Variants in CDH11 observed in about 807,000 individuals in gnomAD.
CDH11 encodes the protein cadherin-11.
A neutral mutation model predicts 67.8 loss-of-function variants in CDH11; 11 were observed. That is an observed-to-expected ratio of 0.16 (90% CI 0.10 to 0.27). The LOEUF is 0.27. Ranked by LOEUF, CDH11 falls within the 10% of genes least tolerant of loss-of-function variation. The pLI, the probability that CDH11 is intolerant of heterozygous loss-of-function variation, is 1.00. For missense variants in CDH11, 847 were observed against 1,031.2 expected (o/e 0.82, Z 2.45); for synonymous variants, 419 against 400.0 (o/e 1.05, Z -0.57).
At chr16:65,077,265 GA>G (rs1002259510) in intron 1 of CDH11, among the ~76,000 whole-genome samples, 1 of 151,844 alleles carries the variant, frequency 6.6e-6, no homozygotes, top group Admixed American at 6.6e-5. Flanking sequence ...CTTATTGGAG[GA>G]AAAAAAAGTG....
chr16:64,972,995 A>C lies in CDH11; in HGVS notation c.1299T>G (p.Ile433Met), dbSNP rs145955206. 6.4e-5 allele frequency: 104 copies of C among 1,613,656 alleles called. No homozygotes were observed. In the African/African-American group the frequency reaches 9.1e-4, roughly 14 times the overall value. The stretch of plus-strand genomic sequence containing the variant: ...TTTTAATAAAACCATCCTCTGGATT[A>C]ATAGTGAAAAATCTGTCGAGGTCAG... ...RHTDLDRFFT[I>M]NPEDGFIKTT... is the part of the protein sequence containing the mutation. Residue 433 changes from isoleucine (I) to methionine (M), a missense_variant, in exon 9 of 13, where the codon ATT becomes ATG. By Grantham distance (10) the Ile-to-Met change is conservative (BLOSUM62 1). Coordinates refer to ENST00000268603, the MANE Select transcript of CDH11 (RefSeq NM_001797.4).
Position 65,076,262 on chromosome 16 carries a change from T to G in CDH11, c.-297-22334A>C, listed in dbSNP as rs1007694402. Among the ~76,000 whole-genome samples, 3 of 152,236 alleles carry G rather than the reference T, an allele frequency of 2.0e-5. No individual in the cohort carries two copies. The South Asian group carries it at 6.2e-4, about 32-fold the overall frequency. ...TATCTCCCACAAACTCCTCTTCCAATTCCTGCATCTAAGCTTGAAAGGCAT... is the reference window on the plus strand; with the variant it reads ...TATCTCCCACAAACTCCTCTTCCAAGTCCTGCATCTAAGCTTGAAAGGCAT... On this transcript the variant is annotated intron_variant, in intron 1 of 12. Coordinates refer to ENST00000268603, the MANE Select transcript of CDH11 (RefSeq NM_001797.4).
intron 1 of CDH11, among the ~76,000 whole-genome samples, chr16:65,064,361 G>A (rs954465291): frequency 2.6e-5 from 4 of 152,382 alleles, no homozygotes; most frequent in East Asian, 3.9e-4. Context: ...GGCGAGCACA[G>A]AGGTGATAAT....
chr16:65,074,187 A>G (rs547431026), intron 1 of CDH11, among the ~76,000 whole-genome samples: 1 of 152,310 alleles, frequency 6.6e-6, no homozygotes, highest in East Asian at 1.9e-4. Flanking sequence ...CTACAGAAGC[A>G]GGGATAGGAA....
intron 1 of CDH11, among the ~76,000 whole-genome samples, chr16:65,070,413 C>T (rs555259327): frequency 8.5e-5 from 13 of 152,294 alleles, no homozygotes; most frequent in African/African-American, 3.1e-4. Flanking sequence ...AATCCTGCCT[C>T]TACCCTGTAA....
intron 11 of CDH11, among the ~76,000 whole-genome samples, chr16:64,968,029 G>A (rs2142415968): frequency 6.6e-6 from 1 of 152,212 alleles, no homozygotes; most frequent in Non-Finnish European, 1.5e-5. Context: ...ATTGACAATA[G>A]GATAAACAAA....
chr16:65,064,266 G>A (rs2074278437), intron 1 of CDH11, among the ~76,000 whole-genome samples: 1 of 152,226 alleles, frequency 6.6e-6, no homozygotes, highest in Non-Finnish European at 1.5e-5. Flanking sequence ...ATTCCTGTTT[G>A]GGCCTCCATG....
intron 1 of CDH11, among the ~76,000 whole-genome samples, chr16:65,090,087 G>C (rs998439544): frequency 3.3e-5 from 5 of 152,080 alleles, no homozygotes; most frequent in Non-Finnish European, 5.9e-5. Flanking sequence ...GAGAAAAATG[G>C]AAAAGATTGT....
At chr16:65,035,793 A>G (rs1249867271) in intron 2 of CDH11, among the ~76,000 whole-genome samples, 1 of 152,190 alleles carries the variant, frequency 6.6e-6, no homozygotes, top group Non-Finnish European at 1.5e-5. Context: ...GCATTAAGTC[A>G]TACCTAGTCT....
chr16:65,101,115 G>A (rs907861176), intron 1 of CDH11, among the ~76,000 whole-genome samples: 1 of 152,160 alleles, frequency 6.6e-6, no homozygotes, highest in Non-Finnish European at 1.5e-5. Flanking sequence ...CCATTACTCA[G>A]AGGAACTATG....
chr16:65,118,727 T>A (rs1267145250), intron 1 of CDH11: 2 of 152,184 alleles, frequency 1.3e-5, no homozygotes, highest in Non-Finnish European at 2.9e-5. Context: ...TCTTCAAATT[T>A]GACAATTCAA....
Position 64,998,572 on chromosome 16 carries a change from C to T in CDH11, c.513G>A (p.Arg171=), listed in dbSNP as rs1393331476. 3 of 1,614,070 alleles carry T rather than the reference C, an allele frequency of 1.9e-6. No individual in the cohort carries two copies. Among genetic ancestry groups the T allele is most frequent in the Non-Finnish European group, 2.5e-6 (3 of 1,179,996 alleles). The part of the protein sequence containing the change: ...HETYHANVPE[R]SNVGTSVIQV... ...CCACACCGTACGCACCCACATTGGA[C>T]CTCTCAGGCACGTTGGCATGATAGG... The change falls in exon 4 of 13, where the codon AGG becomes AGA. Residue 171 remains arginine, a synonymous_variant. Coordinates refer to ENST00000268603, the MANE Select transcript of CDH11 (RefSeq NM_001797.4).
intron 2 of CDH11, among the ~76,000 whole-genome samples, chr16:65,048,089 A>G (rs1457388663): frequency 2.0e-5 from 3 of 152,222 alleles, no homozygotes; most frequent in Non-Finnish European, 2.9e-5. Flanking sequence ...CCCAGCACCT[A>G]GTCCAAAGCC....
At chr16:65,094,440 C>CAT (rs1447688633) in intron 1 of CDH11, among the ~76,000 whole-genome samples, 7 of 150,808 alleles carry the variant, frequency 4.6e-5, no homozygotes, top group Non-Finnish European at 1.0e-4. Flanking sequence ...CACACACACA[C>CAT]ATACACACAC....
intron 1 of CDH11, among the ~76,000 whole-genome samples, chr16:65,073,351 T>C (rs1366143006): frequency 6.6e-6 from 1 of 152,208 alleles, no homozygotes; most frequent in Admixed American, 6.5e-5. Context: ...AATGGCATGA[T>C]CTTGGTTCAC....
chr16:64,946,241 C>A lies in CDH11; in HGVS notation c.*1362G>T. On this transcript the variant is annotated 3_prime_UTR_variant, in exon 13 of 13. Transcript: ENST00000268603. Reference sequence around the variant, plus strand: ...TTACAGGAGGAAAAATAAGCAGTTTCAACTATCAAGAGTCTTACAATAGCC... The same window carrying A: ...TTACAGGAGGAAAAATAAGCAGTTTAAACTATCAAGAGTCTTACAATAGCC... 9.5e-7 allele frequency: 1 copy of A among 1,048,824 alleles called. No individual in the cohort carries two copies. The highest frequency in any genetic ancestry group is 1.2e-6 in the Non-Finnish European group (1 of 868,982). The allele number at this position is 1,048,824 out of a possible 1,614,324, so 65.0% of individuals were successfully genotyped here.
Position 64,965,259 on chromosome 16 carries a change from G to A in CDH11, c.1642+6320C>T, listed in dbSNP as rs548917695. On this transcript the variant is annotated intron_variant, in intron 11 of 12. Coordinates refer to ENST00000268603, the MANE Select transcript of CDH11 (RefSeq NM_001797.4). ...TAGCCGGGTGTGCTGGCGGGCGCCTGTAATCCCAGCTACCTGGGAGTCTGA... is the reference window on the plus strand; with the variant it reads ...TAGCCGGGTGTGCTGGCGGGCGCCTATAATCCCAGCTACCTGGGAGTCTGA... 1.4e-3 allele frequency among the ~76,000 whole-genome samples: 214 copies of A among 149,076 alleles called. 3 individuals carry two copies. The highest frequency in any genetic ancestry group is 5.2e-3 in the African/African-American group (210 of 40,572).
intron 1 of CDH11, among the ~76,000 whole-genome samples, chr16:65,115,685 C>A (rs2075230638): frequency 7.5e-6 from 1 of 132,460 alleles, no homozygotes. Flanking sequence ...AAACTCCTCA[C>A]TCACAAAATA....
At chr16:64,960,462 G>A (rs537489508) in intron 11 of CDH11, among the ~76,000 whole-genome samples, 4 of 152,186 alleles carry the variant, frequency 2.6e-5, no homozygotes, top group East Asian at 3.9e-4. Context: ...TGTGTTATAC[G>A]GTTAGAATTC....
Sources: allele counts gnomAD v4.1 joint callset (sites outside exome capture counted in the v4.1 genomes callset), GRCh38; gene constraint gnomAD v4.1.1; transcripts MANE v1.5; gene names NCBI Gene and HGNC (gene_info 2026-07-23, HGNC 2026-07-21).